MAST4: variants seen among roughly 807,000 people sequenced by gnomAD.
MAST4 encodes microtubule-associated serine/threonine-protein kinase 4.
MAST4 carries 89 observed loss-of-function variants against 162.7 expected under a neutral mutation model. The observed-to-expected ratio is 0.55, with a 90% CI of 0.46 to 0.65. The LOEUF is 0.65. Among genes scored for constraint, MAST4 ranks in the 30% least tolerant of loss-of-function variants. The pLI, the probability that MAST4 is intolerant of heterozygous loss-of-function variation, is 0.00. For synonymous variants in MAST4, 1,479 were observed against 1,361.1 expected (o/e 1.09, Z -1.91); for missense variants, 3,153 against 3,374.0 (o/e 0.93, Z 1.62).
At chr5:67,059,327 A>G (rs903704515) in intron 5 of MAST4, among the ~76,000 whole-genome samples, 5 of 152,192 alleles carry the variant, frequency 3.3e-5, no homozygotes, top group African/African-American at 1.2e-4. Context: ...GGCCCCACTC[A>G]GATAATCTCT....
chr5:66,717,770 T>G (rs1259317603), intron 1 of MAST4, among the ~76,000 whole-genome samples: 1 of 152,206 alleles, frequency 6.6e-6, no homozygotes, highest in Non-Finnish European at 1.5e-5. Context: ...AGGCTGCAGC[T>G]AATCTCCCTT....
chr5:66,673,778 G>A (rs992878780), intron 1 of MAST4, among the ~76,000 whole-genome samples: 3 of 152,172 alleles, frequency 2.0e-5, no homozygotes, highest in African/African-American at 7.2e-5. Context: ...GTGAGCCACT[G>A]CACCTTGCCT....
chr5:66,621,415 A>G (rs1236193434), intron 1 of MAST4, among the ~76,000 whole-genome samples: 1 of 152,226 alleles, frequency 6.6e-6, no homozygotes, highest in Non-Finnish European at 1.5e-5. Context: ...GAACCAGAGC[A>G]TGCAGAGAAA....
intron 3 of MAST4, among the ~76,000 whole-genome samples, chr5:66,860,770 C>CAAAAAAAA (rs34973337): frequency 7.7e-6 from 1 of 129,170 alleles, no homozygotes. Flanking sequence ...AAAACAAAAC[C>CAAAAAAAA]AAAAAAAAAA....
intron 1 of MAST4, among the ~76,000 whole-genome samples, chr5:66,754,118 C>T (rs187092168): frequency 6.0e-4 from 91 of 151,978 alleles, no homozygotes; most frequent in Non-Finnish European, 7.2e-4. Context: ...ATGCTAAAAA[C>T]GCTCAATAAA....
rs755933102 is a variant in MAST4, at chr5:67,163,892, G to C, written c.4713G>C (p.Glu1571Asp). ...LENFALFKLE[E>D]REKKVYPKAV... is the part of the protein sequence containing the mutation. The stretch of plus-strand genomic sequence containing the variant: ...ACTTTGCTCTGTTTAAGCTGGAAGA[G>C]AGAGAGAAGAAAGTCTATCCGAAGG... The change falls in exon 29 of 29, where the codon GAG becomes GAC. Residue 1571 changes from glutamate (E) to aspartate (D), a missense_variant. Around this residue, in one of 7 missense-constraint regions of MAST4, gnomAD observed 1,644 missense variants for 1,495.0 expected, o/e 1.10. Transcript: ENST00000403625. The surrounding 1 kb of genome is among the most constrained non-coding windows in gnomAD (Gnocchi z 7.0). 2.5e-6 allele frequency: 4 copies of C among 1,614,050 alleles called. No individual in the cohort carries two copies. Among genetic ancestry groups the C allele is most frequent in the Non-Finnish European group, 3.4e-6 (4 of 1,179,896 alleles).
intron 1 of MAST4, among the ~76,000 whole-genome samples, chr5:66,682,656 C>T (rs748669763): frequency 6.6e-6 from 1 of 152,186 alleles, no homozygotes; most frequent in Non-Finnish European, 1.5e-5. Context: ...GTATTGTTGC[C>T]TTAGAGAGTG....
intron 4 of MAST4, among the ~76,000 whole-genome samples, chr5:66,913,815 T>G (rs561888632): frequency 4.6e-5 from 7 of 152,238 alleles, no homozygotes; most frequent in African/African-American, 1.7e-4. Context: ...TTTTTATACA[T>G]GGAGGGTGAG....
At chr5:66,762,542 G>C (rs373567293) in intron 2 of MAST4, among the ~76,000 whole-genome samples, 6 of 152,192 alleles carry the variant, frequency 3.9e-5, no homozygotes, top group Admixed American at 3.9e-4. Flanking sequence ...CTGTGTTCAT[G>C]TCAGGCTAGT....
intron 1 of MAST4, among the ~76,000 whole-genome samples, chr5:66,603,878 G>T (rs769581479): frequency 6.6e-6 from 1 of 152,162 alleles, no homozygotes; most frequent in Non-Finnish European, 1.5e-5. Flanking sequence ...TCTTTTATGT[G>T]TCCAGTATTT....
chr5:66,652,517 C>G (rs1034165924), intron 1 of MAST4, among the ~76,000 whole-genome samples: 3 of 152,108 alleles, frequency 2.0e-5, no homozygotes, highest in Non-Finnish European at 4.4e-5. Flanking sequence ...ACAAATTTGA[C>G]AAAGTAGTTG....
At chr5:66,624,338 A>G (rs1744282450) in intron 1 of MAST4, among the ~76,000 whole-genome samples, 1 of 151,740 alleles carries the variant, frequency 6.6e-6, no homozygotes, top group African/African-American at 2.4e-5. Context: ...TATTTTTAGT[A>G]GAGATGGGGT....
intron 3 of MAST4, among the ~76,000 whole-genome samples, chr5:66,873,139 G>T (rs1417561727): frequency 1.3e-5 from 2 of 152,112 alleles, no homozygotes; most frequent in Admixed American, 1.3e-4. Context: ...AATGTGCCGT[G>T]TGAATTGGTT....
At chr5:66,910,359 C>T (rs775396927) in intron 4 of MAST4, among the ~76,000 whole-genome samples, 1 of 152,156 alleles carries the variant, frequency 6.6e-6, no homozygotes, top group Non-Finnish European at 1.5e-5. Flanking sequence ...AACTGGCAGT[C>T]CCCAAATATA....
intron 1 of MAST4, among the ~76,000 whole-genome samples, chr5:66,718,862 G>A (rs1021185368): frequency 2.0e-5 from 3 of 152,174 alleles, no homozygotes; most frequent in Non-Finnish European, 2.9e-5. Flanking sequence ...TATAGTTTGT[G>A]AGTGCAGCTC....
chr5:66,805,249 A>G (rs1309618402), intron 3 of MAST4, among the ~76,000 whole-genome samples: 2 of 152,218 alleles, frequency 1.3e-5, no homozygotes, highest in East Asian at 3.8e-4. Flanking sequence ...CTAATCTTTA[A>G]TACTACTTTT....
chr5:66,993,157 A>T (rs539037781), intron 4 of MAST4, among the ~76,000 whole-genome samples: 1 of 152,290 alleles, frequency 6.6e-6, no homozygotes, highest in East Asian at 1.9e-4. Flanking sequence ...TCATTTTATT[A>T]CTCATTACGA....
At chr5:67,029,610 A>G (rs1755072949) in intron 4 of MAST4, among the ~76,000 whole-genome samples, 1 of 152,134 alleles carries the variant, frequency 6.6e-6, no homozygotes, top group Non-Finnish European at 1.5e-5. Context: ...GCAAAATTCT[A>G]TGGCAAGGTG....
intron 4 of MAST4, among the ~76,000 whole-genome samples, chr5:67,008,921 C>A (rs1055964049): frequency 2.6e-5 from 4 of 152,114 alleles, no homozygotes; most frequent in African/African-American, 4.8e-5. Context: ...ATGAGTTTTT[C>A]CTTTGTTTTG....
Sources: gnomAD v4.1 joint callset for allele counts (sites outside exome capture counted in the v4.1 genomes callset) on GRCh38, gnomAD v4.1.1 for gene constraint, gnomAD v4.1.1 regional missense constraint, Gnocchi (gnomAD v3.1) non-coding constraint, MANE v1.5 for transcripts, NCBI Gene and HGNC (gene_info 2026-07-23, HGNC 2026-07-21) for gene names.